Variants in UFL1 observed in about 807,000 individuals in gnomAD.
UFL1 encodes the protein E3 UFM1-protein ligase 1.
Under a neutral mutation model 99.3 loss-of-function variants are expected in UFL1, and 78 were observed. That is an observed-to-expected ratio of 0.79 (90% confidence interval 0.65 to 0.95). The LOEUF (loss-of-function observed/expected upper bound fraction) is 0.95, where lower values mean the gene tolerates loss of function less well. UFL1 is among the 40% of genes least tolerant of loss of function. The pLI is 0.00. For missense variants in UFL1, 936 were observed against 937.0 expected (o/e 1.00, Z 0.01); for synonymous variants, 335 against 322.2 (o/e 1.04, Z -0.42).
At chr6:96,531,408 G>T (rs1240004932) in intron 6 of UFL1, among the ~76,000 whole-genome samples, 2 of 152,250 alleles carry the variant, frequency 1.3e-5, no homozygotes, top group East Asian at 3.9e-4. Flanking sequence ...CACTGACTAA[G>T]AAAAATCTAA....
At chr6:96,550,408 C>T (rs1770061499) in intron 15 of UFL1, among the ~76,000 whole-genome samples, 1 of 151,790 alleles carries the variant, frequency 6.6e-6, no homozygotes, top group South Asian at 2.1e-4. Flanking sequence ...AGGTCCACTT[C>T]GAGTTGGAGA....
intron 7 of UFL1, 114 bp from the exon 8 acceptor site, chr6:96,536,130 C>A: frequency 9.7e-7 from 1 of 1,026,508 alleles, no homozygotes; most frequent in Non-Finnish European, 1.3e-6. Context: ...ATTTCAACTT[C>A]AGATTGGTTT....
At chr6:96,540,936 C>T (rs962574798) in intron 11 of UFL1, among the ~76,000 whole-genome samples, 5 of 151,214 alleles carry the variant, frequency 3.3e-5, no homozygotes, top group Non-Finnish European at 5.9e-5. Flanking sequence ...GCCCAGTAGC[C>T]CTTTTTTGTT....
Position 96,526,312 on chromosome 6 carries a change from C to G in UFL1, c.351-9C>G. On this transcript the variant is annotated splice_polypyrimidine_tract_variant and intron_variant, in intron 4 of 18. Coordinates refer to ENST00000369278, the MANE Select transcript of UFL1 (RefSeq NM_015323.5). ...CTTTTTTCTATTATTTTCTTGTTTT[C>G]ACTATTAGGAATTATTTGGATCGGT... 6.3e-7 allele frequency: 1 copy of G among 1,584,910 alleles called. No individual in the cohort carries two copies. Among genetic ancestry groups the G allele is most frequent in the Non-Finnish European group, 8.6e-7 (1 of 1,167,492 alleles).
At chr6:96,537,607 T>C in intron 9 of UFL1, 58 bp downstream of exon 9, 5 of 1,437,154 alleles carry the variant, frequency 3.5e-6, no homozygotes, top group Non-Finnish European at 4.6e-6. Context: ...ATTTTACTAA[T>C]ATTTGACCAT....
In UFL1 at chr6:96,549,033, G is replaced by GT. The variant is rs901511279; in HGVS notation, c.1521-372dup. 1.3e-3 allele frequency among the ~76,000 whole-genome samples: 200 copies of GT among 151,570 alleles called. 1 individual carries two copies. The highest frequency in any genetic ancestry group is 4.7e-3 in the African/African-American group (193 of 41,418). On this transcript the variant is annotated intron_variant, in intron 13 of 18. Transcript: ENST00000369278. ...TGCACTGCTTTTTAGGCATAAAAAGGTTTTTTTAAATGTATTTTAATATTT... is the reference window on the plus strand; with the variant it reads ...TGCACTGCTTTTTAGGCATAAAAAGGTTTTTTTTAAATGTATTTTAATATTT...
At chr6:96,535,337 TCTGCTTTTTC>T (rs1769837720) in intron 7 of UFL1, among the ~76,000 whole-genome samples, 1 of 152,060 alleles carries the variant, frequency 6.6e-6, no homozygotes, top group Non-Finnish European at 1.5e-5. Flanking sequence ...CTCCCTTCCA[TCTGCTTTTTC>T]CTTTTTAGAG....
At position 96,536,375 on chromosome 6, in the gene UFL1, C is replaced by G; in HGVS notation, c.787C>G (p.Gln263Glu). The G allele has an allele frequency of 6.2e-7, 1 of 1,603,578 alleles. No individual in the cohort carries two copies. Among genetic ancestry groups the G allele is most frequent in the Non-Finnish European group, 8.5e-7 (1 of 1,173,356 alleles). ...QSTWVDSFFR[Q>E]NGYLEFDALS... is the part of the protein sequence containing the mutation. ...TACTTGGGTGGATTCCTTTTTCAGG[C>G]AGAATGGCTATCTAGGTAACTTTCT... is the stretch of plus-strand genomic sequence containing the variant. The change falls in exon 8 of 19, where the codon CAG becomes GAG. Residue 263 changes from glutamine to glutamate, a missense_variant. Transcript: ENST00000369278.
intron 12 of UFL1, among the ~76,000 whole-genome samples, chr6:96,544,157 T>TA (rs1209184498): frequency 6.6e-6 from 1 of 151,010 alleles, no homozygotes; most frequent in Non-Finnish European, 1.5e-5. Context: ...TAGGAAACAT[T>TA]AATTTTATGT....
At chr6:96,539,239 A>C (rs539727458) in intron 10 of UFL1, among the ~76,000 whole-genome samples, 1 of 151,768 alleles carries the variant, frequency 6.6e-6, no homozygotes, top group African/African-American at 2.4e-5. Flanking sequence ...AAATTACTGA[A>C]GAAAGAAATT....
intron 7 of UFL1, 121 bp downstream of exon 7, chr6:96,534,442 T>G: frequency 1.3e-6 from 1 of 790,448 alleles, no homozygotes. Context: ...ATTTCCTGGT[T>G]TAAAAAAGTT....
At chr6:96,543,273 A>G (rs1195330464) in intron 12 of UFL1, among the ~76,000 whole-genome samples, 1 of 151,198 alleles carries the variant, frequency 6.6e-6, no homozygotes, top group Non-Finnish European at 1.5e-5. Flanking sequence ...TCAGTCCACA[A>G]ATCAGTACAT....
In UFL1 at chr6:96,555,176, T is replaced by TAAAG. The variant is rs1398965511; in HGVS notation, c.*1675_*1678dup. On this transcript the variant is annotated 3_prime_UTR_variant, in exon 19 of 19. Transcript: ENST00000369278. ...AAAATTACGTAGCTGATTTTGTATG[T>TAAAG]AAAGATTAATTTCCATAATAAAAAT... 4.6e-5 allele frequency: 7 copies of TAAAG among 152,314 alleles called. No individual in the cohort carries two copies. Among genetic ancestry groups the TAAAG allele is most frequent in the Non-Finnish European group, 8.8e-5 (6 of 68,004 alleles). 9.4% of individuals were successfully genotyped at this position (152,314 alleles called of 1,614,324 possible).
intron 4 of UFL1, among the ~76,000 whole-genome samples, chr6:96,525,755 A>G (rs1769690781): frequency 1.3e-5 from 2 of 151,974 alleles, no homozygotes; most frequent in Admixed American, 6.5e-5. Context: ...TTTTTTCTTA[A>G]TAAGAAAACG....
intron 6 of UFL1, 23 bp downstream of exon 6, chr6:96,528,655 A>C (rs901811415): frequency 2.6e-6 from 4 of 1,562,114 alleles, no homozygotes; most frequent in Non-Finnish European, 3.5e-6. Context: ...TAAAGTATAT[A>C]TATTTGCACA....
In UFL1 at chr6:96,542,921, G is replaced by T. The variant is rs779846922; in HGVS notation, c.1307G>T (p.Gly436Val). 6.3e-7 allele frequency: 1 copy of T among 1,597,858 alleles called. No homozygotes were observed. Among genetic ancestry groups the T allele is most frequent in the Non-Finnish European group, 8.5e-7 (1 of 1,171,918 alleles). Residue 436 changes from glycine to valine, a missense_variant, in exon 12 of 19, where the codon GGT becomes GTT. Coordinates refer to ENST00000369278, the MANE Select transcript of UFL1 (RefSeq NM_015323.5). ...TEGSGSMRGG[G>V]GGNAREYKIK... ...GGCAGTGGAAGCATGAGAGGAGGAGGTGGGGGCAATGCCAGAGAGTACAAA... is the reference window on the plus strand; with the variant it reads ...GGCAGTGGAAGCATGAGAGGAGGAGTTGGGGGCAATGCCAGAGAGTACAAA...
chr6:96,522,606 A>G (rs1031691133), intron 1 of UFL1, among the ~76,000 whole-genome samples: 2 of 152,180 alleles, frequency 1.3e-5, no homozygotes, highest in Non-Finnish European at 2.9e-5. Context: ...GCCGGAAGAC[A>G]GCAATCCCCT....
intron 6 of UFL1, among the ~76,000 whole-genome samples, chr6:96,533,428 A>G (rs1769810445): frequency 6.6e-6 from 1 of 152,072 alleles, no homozygotes; most frequent in African/African-American, 2.4e-5. Flanking sequence ...ATAAGAAGGA[A>G]TGAACTACTG....
At chr6:96,549,906 AGGTTTGAGG>A in intron 15 of UFL1, 107 bp downstream of exon 15, 2 of 1,457,700 alleles carry the variant, frequency 1.4e-6, no homozygotes, top group Non-Finnish European at 9.1e-7. Flanking sequence ...ACAGTGAAAG[AGGTTTGAGG>A]AAAAAAATCT....
Sources: gnomAD v4.1 joint callset for allele counts (sites outside exome capture counted in the v4.1 genomes callset) on GRCh38, gnomAD v4.1.1 for gene constraint, MANE v1.5 for transcripts, NCBI Gene and HGNC (gene_info 2026-07-23, HGNC 2026-07-21) for gene names.